Variants in CFAP58 observed in about 807,000 individuals in gnomAD.
The protein encoded by CFAP58 is cilia and flagella associated protein 58.
Under a neutral mutation model 119.5 loss-of-function variants are expected in CFAP58, and 88 were observed. The ratio of observed to expected loss-of-function variants is 0.74; its 90% CI spans 0.62 to 0.88. The LOEUF (loss-of-function observed/expected upper bound fraction) is 0.88, where lower values mean the gene tolerates loss of function less well. Among genes scored for constraint, CFAP58 ranks in the 40% least tolerant of loss-of-function variants. CFAP58 has a pLI of 0.00. For synonymous variants in CFAP58, 365 were observed against 366.3 expected, an observed-to-expected ratio of 1.00 and a Z score of 0.04; for missense variants, 990 against 1,021.2, an observed-to-expected ratio of 0.97 and a Z score of 0.42.
chr10:104,399,706 C>G (rs529752984), intron 12 of CFAP58, among the ~76,000 whole-genome samples: 8 of 152,086 alleles, frequency 5.3e-5, no homozygotes, highest in Non-Finnish European at 1.2e-4. Context: ...AGTCACTCCT[C>G]TAGGCACTAG....
At chr10:104,399,853 A>G (rs560646938) in intron 12 of CFAP58, among the ~76,000 whole-genome samples, 1 of 152,248 alleles carries the variant, frequency 6.6e-6, no homozygotes. Flanking sequence ...TATGTGTAAG[A>G]TATGCCTCCC....
Position 104,429,547 on chromosome 10 carries a change from C to T in CFAP58, c.2257-18151C>T, listed in dbSNP as rs766698263. On this transcript the variant is annotated intron_variant, in intron 15 of 17. Coordinates refer to ENST00000369704, the MANE Select transcript of CFAP58 (RefSeq NM_001008723.2). ...TATTAAAATTTCCTTGTTAAGGATC[C>T]GTTAGTAAGCGTCACTTCTGAAATT... 2.9e-4 allele frequency among the ~76,000 whole-genome samples: 44 copies of T among 152,254 alleles called. 1 individual carries two copies. The highest frequency in any genetic ancestry group is 3.4e-3 in the Middle Eastern group (1 of 294).
chr10:104,391,768 T>C (rs1219328752), intron 9 of CFAP58, among the ~76,000 whole-genome samples: 1 of 152,222 alleles, frequency 6.6e-6, no homozygotes, highest in Non-Finnish European at 1.5e-5. Context: ...AAGATAGCGT[T>C]ATGATTGCTA....
chr10:104,357,890 A>ACATATATGCACACATATATAC (rs1564875816), intron 1 of CFAP58, among the ~76,000 whole-genome samples: 1 of 132,452 alleles, frequency 7.5e-6, no homozygotes, highest in Non-Finnish European at 1.6e-5. Flanking sequence ...CACATATATA[A>ACATATATGCACACATATATAC]ACATATATGT....
chr10:104,421,800 G>A (rs1299049986), intron 15 of CFAP58, among the ~76,000 whole-genome samples: 1 of 152,232 alleles, frequency 6.6e-6, no homozygotes, highest in African/African-American at 2.4e-5. Context: ...AGATTTCAGT[G>A]TAAATTAAAC....
intron 15 of CFAP58, among the ~76,000 whole-genome samples, chr10:104,422,156 A>G (rs1013697887): frequency 6.6e-6 from 1 of 152,218 alleles, no homozygotes; most frequent in African/African-American, 2.4e-5. Context: ...CCTGGGCGAC[A>G]GAGTGAGACT....
At position 104,380,180 on chromosome 10, in the gene CFAP58, G is replaced by A. The variant is rs199842560; in HGVS notation, c.1325G>A (p.Arg442His). 2.4e-4 allele frequency: 383 copies of A among 1,613,974 alleles called. No homozygotes were observed. Among genetic ancestry groups the A allele is most frequent in the Admixed American group, 3.0e-4 (18 of 59,986 alleles). ...RKIIFHLEKE[R>H]DRYINQASDL... Reference sequence around the variant, plus strand: ...ATCATCTTTCATCTGGAAAAGGAGCGTGACCGGTACATCAACCAAGCCAGT... The same window carrying A: ...ATCATCTTTCATCTGGAAAAGGAGCATGACCGGTACATCAACCAAGCCAGT... Residue 442 changes from arginine (R) to histidine (H), a missense_variant, in exon 9 of 18, where the codon CGT (arginine) becomes CAT (histidine). By Grantham distance (29) the Arg-to-His change is conservative. Coordinates refer to ENST00000369704, the MANE Select transcript of CFAP58 (RefSeq NM_001008723.2).
chr10:104,376,468 A>G (rs1286717142), intron 7 of CFAP58, among the ~76,000 whole-genome samples: 1 of 145,154 alleles, frequency 6.9e-6, no homozygotes, highest in Admixed American at 7.3e-5. Context: ...GTGCCACTGC[A>G]CTCCAGCCTG....
chr10:104,353,636 C>T, upstream of CFAP58: 7 of 488,160 alleles, frequency 1.4e-5, no homozygotes, highest in Non-Finnish European at 2.6e-5. Flanking sequence ...TTGGCTCCGC[C>T]CCATTGGGAT....
At chr10:104,388,518 T>C (rs989931570) in intron 9 of CFAP58, among the ~76,000 whole-genome samples, 1 of 152,182 alleles carries the variant, frequency 6.6e-6, no homozygotes, top group Non-Finnish European at 1.5e-5. Context: ...TAGGGAAGAC[T>C]CAGCATTTCG....
intron 15 of CFAP58, among the ~76,000 whole-genome samples, chr10:104,429,440 G>A (rs748419698): frequency 1.3e-5 from 2 of 152,134 alleles, no homozygotes; most frequent in Non-Finnish European, 2.9e-5. Context: ...GGAATTTCAG[G>A]GGTAATATGT....
At chr10:104,383,332 T>TG (rs2011855828) in intron 9 of CFAP58, among the ~76,000 whole-genome samples, 1 of 152,222 alleles carries the variant, frequency 6.6e-6, no homozygotes, top group Non-Finnish European at 1.5e-5. Flanking sequence ...AGTGAGCTTT[T>TG]GGGGGCAAGG....
At chr10:104,415,477 C>A (rs1406026085) in intron 15 of CFAP58, among the ~76,000 whole-genome samples, 1 of 152,166 alleles carries the variant, frequency 6.6e-6, no homozygotes, top group African/African-American at 2.4e-5. Context: ...CATTGAGCTG[C>A]TTCCAAAGGC....
In CFAP58 at chr10:104,403,837, C is replaced by T. The variant is rs1253358651; in HGVS notation, c.2148C>T (p.Leu716=). ...NPLNVHRWRK[L]EASDPNAYEL... Reference sequence around the variant, plus strand: ...TGAATGTGCACAGATGGAGGAAGCTCGAGGTAACATCTGGCAGCGTGTTCT... The same window carrying T: ...TGAATGTGCACAGATGGAGGAAGCTTGAGGTAACATCTGGCAGCGTGTTCT... Residue 716 remains leucine, a synonymous_variant, in exon 14 of 18, where the codon CTC becomes CTT. Coordinates refer to ENST00000369704, the MANE Select transcript of CFAP58 (RefSeq NM_001008723.2). The T allele has an allele frequency of 6.9e-6, 11 of 1,602,092 alleles. No individual in the cohort carries two copies. Among genetic ancestry groups the T allele is most frequent in the South Asian group, 1.1e-5 (1 of 89,604 alleles).
Position 104,357,892 on chromosome 10 carries a change from CAT to C in CFAP58, c.10-444_10-443del, listed in dbSNP as rs1181097010. 3.4e-5 allele frequency among the ~76,000 whole-genome samples: 4 copies of C among 119,374 alleles called. No homozygotes were observed. In the East Asian group the frequency reaches 6.4e-4, roughly 19 times the overall value. 78.3% of individuals were successfully genotyped at this position (119,374 alleles called of 152,430 possible). On this transcript the variant is annotated intron_variant, in intron 1 of 17. Transcript: ENST00000369704. ...ACACATATATGTACACATATATAAA[CAT>C]ATATGTACACATATACACACATATA...
chr10:104,396,669 T>C (rs1402198521), intron 11 of CFAP58, among the ~76,000 whole-genome samples: 3 of 152,264 alleles, frequency 2.0e-5, no homozygotes, highest in Admixed American at 6.5e-5. Flanking sequence ...TTTTGCAAAA[T>C]TGTATAATTG....
Position 104,447,829 on chromosome 10 carries a change from C to A in CFAP58, c.2376+12C>A. 1 of 1,600,494 alleles carries A rather than the reference C, an allele frequency of 6.2e-7. No homozygotes were observed. ...AGCAGCAGCTGAAAGTAAGTGGTAG[C>A]CCCTGTTCCTTCCGGGTTCCAGGGC... On this transcript the variant is annotated intron_variant, in intron 16 of 17. Coordinates refer to ENST00000369704, the MANE Select transcript of CFAP58 (RefSeq NM_001008723.2).
rs1318792047 is a variant in CFAP58 at position 104,358,537 on chromosome 10, C to T, written c.206C>T (p.Ala69Val). The T allele has an allele frequency of 1.2e-6, 2 of 1,614,052 alleles. No individual in the cohort carries two copies. Among genetic ancestry groups the T allele is most frequent in the Non-Finnish European group, 8.5e-7 (1 of 1,180,006 alleles). ...ATGGCCAAATGCAGAGAGCTAAATG[C>T]AGAGATTGTAGTGAATTCTGCGAAG... Reference protein sequence around the residue: ...RLMAKCRELNAEIVVNSAKVA... With the variant: ...RLMAKCRELNVEIVVNSAKVA... Residue 69 changes from alanine to valine, a missense_variant, in exon 2 of 18, where the codon GCA becomes GTA. Transcript: ENST00000369704.
the CFAP58 span, among the ~76,000 whole-genome samples, chr10:104,343,849 T>G: frequency 2.6e-5 from 4 of 152,128 alleles, no homozygotes; most frequent in Admixed American, 6.5e-5. Context: ...GTCAATCAAT[T>G]CTCCTGCCTC....
Sources: allele counts gnomAD v4.1 joint callset (sites outside exome capture counted in the v4.1 genomes callset), GRCh38; gene constraint gnomAD v4.1.1; transcripts MANE v1.5; gene names NCBI Gene and HGNC (gene_info 2026-07-23, HGNC 2026-07-21).